The following OPCML variants were observed in gnomAD, a reference collection of about 807,000 sequenced individuals.
OPCML encodes opioid binding protein/cell adhesion molecule like.
OPCML carries 13 observed loss-of-function variants against 37.8 expected under a neutral mutation model. That is an observed-to-expected ratio of 0.34 (90% CI 0.22 to 0.55). The LOEUF (loss-of-function observed/expected upper bound fraction) is 0.55. Among genes scored for constraint, OPCML ranks in the 20% least tolerant of loss-of-function variants. OPCML has a pLI of 0.91. For synonymous variants in OPCML, 176 were observed against 168.8 expected, an observed-to-expected ratio of 1.04 and a Z score of -0.33; for missense variants, 341 against 435.6, an observed-to-expected ratio of 0.78 and a Z score of 1.93.
chr11:132,974,730 A>G (rs1946418522), intron 1 of OPCML, among the ~76,000 whole-genome samples: 1 of 152,100 alleles, frequency 6.6e-6, no homozygotes, highest in Admixed American at 6.5e-5. Context: ...TCCAATGGGT[A>G]TTCTTAAACC....
chr11:133,376,149 A>G (rs796447004), intron 1 of OPCML, among the ~76,000 whole-genome samples: 25 of 152,330 alleles, frequency 1.6e-4, no homozygotes, highest in African/African-American at 5.8e-4. Flanking sequence ...AGTCAGATTC[A>G]GTAAGAGATC....
chr11:132,828,563 C>T (rs1277280932), intron 2 of OPCML, among the ~76,000 whole-genome samples: 4 of 149,762 alleles, frequency 2.7e-5, no homozygotes, highest in Non-Finnish European at 5.9e-5. Flanking sequence ...AAAAAAAAGT[C>T]TATTTATTTT....
At chr11:133,237,879 A>T (rs537010411) in intron 1 of OPCML, among the ~76,000 whole-genome samples, 1 of 152,338 alleles carries the variant, frequency 6.6e-6, no homozygotes, top group East Asian at 1.9e-4. Context: ...GATGGGAGAG[A>T]GCCAGGGCCC....
intron 1 of OPCML, chr11:133,418,574 T>G (rs1945816356): frequency 1.9e-6 from 1 of 530,652 alleles, no homozygotes; most frequent in Non-Finnish European, 2.4e-6. Flanking sequence ...ACCTCCAAAC[T>G]GTCCTTGGTC....
intron 2 of OPCML, among the ~76,000 whole-genome samples, chr11:132,702,748 CT>C (rs968575972): frequency 1.3e-5 from 2 of 151,204 alleles, no homozygotes; most frequent in South Asian, 2.1e-4. Flanking sequence ...CTTTTTCACT[CT>C]TTTTTTTTCT....
intron 1 of OPCML, among the ~76,000 whole-genome samples, chr11:133,142,758 T>C (rs1350372106): frequency 1.3e-5 from 2 of 152,028 alleles, no homozygotes; most frequent in African/African-American, 4.8e-5. Flanking sequence ...GAGCATGGCA[T>C]AGAGATGGCT....
chr11:132,805,887 A>T (rs1002762027), intron 2 of OPCML, among the ~76,000 whole-genome samples: 1 of 152,224 alleles, frequency 6.6e-6, no homozygotes, highest in Non-Finnish European at 1.5e-5. Context: ...AATTTACTTT[A>T]AAAACTGCTA....
chr11:132,604,030 T>C (rs763096609), intron 3 of OPCML, among the ~76,000 whole-genome samples: 5 of 152,160 alleles, frequency 3.3e-5, no homozygotes, highest in Non-Finnish European at 7.4e-5. Context: ...GGCCTTTATC[T>C]CCCTCGCCAT....
chr11:133,140,868 C>CGACGACGACGAAGGAGAAGGAGAAGGA (rs1949785274), intron 1 of OPCML, among the ~76,000 whole-genome samples: 1 of 51,458 alleles, frequency 1.9e-5, no homozygotes, highest in Non-Finnish European at 4.8e-5. Context: ...AAGACGACGA[C>CGACGACGACGAAGGAGAAGGAGAAGGA]GACGAAGAAG....
chr11:132,898,398 T>A (rs963800889), intron 2 of OPCML, among the ~76,000 whole-genome samples: 2 of 152,132 alleles, frequency 1.3e-5, no homozygotes, highest in Non-Finnish European at 2.9e-5. Context: ...TTTCACACAG[T>A]GTATCTACTA....
rs1029004857 is a variant in OPCML at position 133,177,395 on chromosome 11, C to A, written c.62-234385G>T. 2.0e-5 allele frequency among the ~76,000 whole-genome samples: 3 copies of A among 152,184 alleles called. No individual in the cohort carries two copies. The highest frequency in any genetic ancestry group is 7.2e-5 in the African/African-American group (3 of 41,448). The stretch of plus-strand genomic sequence containing the variant: ...CCCTGAGGAAATCAGTAATCTTGAA[C>A]CACTAATGCTAATTTATGATTTTGG... On this transcript the variant is annotated intron_variant, in intron 1 of 7. Coordinates refer to ENST00000524381, the MANE Select transcript of OPCML (RefSeq NM_001012393.5). This position sits in a 1 kb window ranked among gnomAD's most constrained non-coding sequence, Gnocchi z 5.0.
chr11:133,305,287 C>T (rs1162034765), intron 1 of OPCML, among the ~76,000 whole-genome samples: 3 of 152,144 alleles, frequency 2.0e-5, no homozygotes, highest in South Asian at 2.1e-4. Context: ...CCCCCCTGTA[C>T]CCCTCTCCAA....
chr11:133,377,932 G>A (rs889536091), intron 1 of OPCML, among the ~76,000 whole-genome samples: 4 of 152,200 alleles, frequency 2.6e-5, no homozygotes, highest in Non-Finnish European at 5.9e-5. Flanking sequence ...GGCAGTTCCT[G>A]CAGGACCTTC....
chr11:133,008,816 C>T, intron 1 of OPCML: 1 of 841,064 alleles, frequency 1.2e-6, no homozygotes, highest in Non-Finnish European at 1.4e-6. Flanking sequence ...GACAGTACTC[C>T]CTAATGCACT....
Position 133,212,707 on chromosome 11 carries a change from C to T in OPCML, c.62-269697G>A, listed in dbSNP as rs868235567. Among the ~76,000 whole-genome samples the T allele has an allele frequency of 1.3e-5, 2 of 152,196 alleles. No individual in the cohort carries two copies. Among genetic ancestry groups the T allele is most frequent in the South Asian group, 2.1e-4 (1 of 4,828 alleles). On this transcript the variant is annotated intron_variant, in intron 1 of 7. Transcript: ENST00000524381. This position sits in a 1 kb window ranked among gnomAD's most constrained non-coding sequence, Gnocchi z 4.9. Reference sequence around the variant, plus strand: ...GAACAGAGGCTCCATGATTATATGGCTCTGTGTCTATTATCCATTCGCTTA... The same window carrying T: ...GAACAGAGGCTCCATGATTATATGGTTCTGTGTCTATTATCCATTCGCTTA...
At chr11:133,407,307 G>A (rs1396022480) in intron 1 of OPCML, among the ~76,000 whole-genome samples, 1 of 152,182 alleles carries the variant, frequency 6.6e-6, no homozygotes, top group Non-Finnish European at 1.5e-5. Flanking sequence ...GGGTTAACTA[G>A]AGTCTTCAAT....
At chr11:132,549,353 C>G (rs1344713065) in intron 3 of OPCML, among the ~76,000 whole-genome samples, 1 of 152,174 alleles carries the variant, frequency 6.6e-6, no homozygotes. Flanking sequence ...AAATCCTCAC[C>G]ACTTTTTAAG....
chr11:133,431,654 G>A (rs56256334), intron 1 of OPCML, among the ~76,000 whole-genome samples: 1,788 of 151,732 alleles, frequency 0.012, 9 homozygotes, highest in Middle Eastern at 0.052. Context: ...TAGTAGAGAC[G>A]GGGTTTCTCC....
At position 132,463,531 on chromosome 11, in the gene OPCML, C is replaced by T. The variant is rs1015696130; in HGVS notation, c.506-26172G>A. ...TTACCAAGATTCCACGTGATTCTCA[C>T]GTGCATCATCACCCTTGAGAAGCCC... On this transcript the variant is annotated intron_variant, in intron 4 of 7. Coordinates refer to ENST00000524381, the MANE Select transcript of OPCML (RefSeq NM_001012393.5). Among the ~76,000 whole-genome samples, 2 of 152,208 alleles carry T rather than the reference C, an allele frequency of 1.3e-5. 1 individual carries two copies. Among genetic ancestry groups the T allele is most frequent in the South Asian group, 4.1e-4 (2 of 4,826 alleles).
Sources: gnomAD v4.1 joint callset for allele counts (sites outside exome capture counted in the v4.1 genomes callset) on GRCh38, gnomAD v4.1.1 for gene constraint, Gnocchi (gnomAD v3.1) non-coding constraint, MANE v1.5 for transcripts, NCBI Gene and HGNC (gene_info 2026-07-23, HGNC 2026-07-21) for gene names.